The following SLC26A11 variants were observed in gnomAD, a reference collection of about 807,000 sequenced individuals.
SLC26A11 encodes sodium-independent sulfate anion transporter.
A neutral mutation model predicts 62.2 loss-of-function variants in SLC26A11; 58 were observed. The observed-to-expected ratio is 0.93, with a 90% CI of 0.76 to 1.16. SLC26A11 has a LOEUF of 1.16. Ranked by LOEUF, SLC26A11 falls within the 50% of genes most tolerant of loss-of-function variation. The pLI, the probability that SLC26A11 is intolerant of heterozygous loss-of-function variation, is 0.00. For missense variants in SLC26A11, 790 were observed against 794.3 expected, an observed-to-expected ratio of 0.99 and a Z score of 0.06; for synonymous variants, 411 against 368.9, an observed-to-expected ratio of 1.11 and a Z score of -1.31.
At chr17:80,231,580 C>T (rs1006365164) in intron 7 of SLC26A11, among the ~76,000 whole-genome samples, 3 of 152,176 alleles carry the variant, frequency 2.0e-5, no homozygotes, top group African/African-American at 2.4e-5. Context: ...TTAGCTGCAT[C>T]CCACAGTTTT....
intron 6 of SLC26A11, among the ~76,000 whole-genome samples, chr17:80,227,464 C>G (rs1042531406): frequency 6.6e-6 from 1 of 152,224 alleles, no homozygotes; most frequent in Non-Finnish European, 1.5e-5. Context: ...ACCCGGGCCT[C>G]TCCACTGCCT....
Position 80,227,798 on chromosome 17 carries a change from A to G in SLC26A11, c.594-20A>G, listed in dbSNP as rs377072174. ...GCCTGGGCCGAGCTGGGTGGTGACC[A>G]GTCCTCTGCCTGTCCACAGGGTAGG... On this transcript the variant is annotated intron_variant, in intron 6 of 17. Coordinates refer to ENST00000361193, the MANE Select transcript of SLC26A11 (RefSeq NM_001166347.2). 42 of 1,601,964 alleles carry G rather than the reference A, an allele frequency of 2.6e-5. No individual in the cohort carries two copies. In the African/African-American group the frequency reaches 5.5e-4, roughly 21 times the overall value.
chr17:80,248,383 G>A, intron 14 of SLC26A11, 126 bp downstream of exon 14: 1 of 1,385,878 alleles, frequency 7.2e-7, no homozygotes. Context: ...CTCGCTGGCA[G>A]GTGGGCAGTC....
At chr17:80,248,302 A>G (rs112301016) in intron 14 of SLC26A11, 45 bp downstream of exon 14, 1 of 1,578,838 alleles carries the variant, frequency 6.3e-7, no homozygotes, top group Non-Finnish European at 8.6e-7. Context: ...TGGGGGCAGG[A>G]TTCCTGGGCA....
At chr17:80,250,278 C>T (rs571655480) in intron 16 of SLC26A11, among the ~76,000 whole-genome samples, 8 of 152,190 alleles carry the variant, frequency 5.3e-5, no homozygotes, top group Non-Finnish European at 8.8e-5. Flanking sequence ...CCCGTATACC[C>T]CAGGTGTGGA....
rs2042983398 is a variant in SLC26A11 at position 80,246,002 on chromosome 17, G to A, written c.1098-152G>A. ...GCGGCTGTCTGTGACTGCACCCTAA[G>A]TCTCTTTGCCTCGGTCCCCTTGCAG... On this transcript the variant is annotated intron_variant, in intron 11 of 17. Coordinates refer to ENST00000361193, the MANE Select transcript of SLC26A11 (RefSeq NM_001166347.2). This position sits in a 1 kb window ranked among gnomAD's most constrained non-coding sequence, Gnocchi z 4.4. The A allele has an allele frequency of 1.1e-6, 1 of 891,084 alleles. No individual in the cohort carries two copies. Among genetic ancestry groups the A allele is most frequent in the African/African-American group, 1.6e-5 (1 of 60,986 alleles). The allele number at this position is 891,084 out of a possible 1,614,324, so 55.2% of individuals were successfully genotyped here.
rs74000660 is a variant in SLC26A11, at chr17:80,247,899, C to T, written c.1295-231C>T. On this transcript the variant is annotated intron_variant, in intron 13 of 17. Coordinates refer to ENST00000361193, the MANE Select transcript of SLC26A11 (RefSeq NM_001166347.2). Reference sequence around the variant, plus strand: ...CTCCCTGAGGTTGGAGGCCAGGGACCGGCCGGCAGGTCTCACCTGCGCTCA... The same window carrying T: ...CTCCCTGAGGTTGGAGGCCAGGGACTGGCCGGCAGGTCTCACCTGCGCTCA... Among the ~76,000 whole-genome samples, 706 of 152,322 alleles carry T rather than the reference C, an allele frequency of 4.6e-3. 7 individuals are homozygous for T. Among genetic ancestry groups the T allele is most frequent in the African/African-American group, 0.016 (663 of 41,560 alleles).
chr17:80,249,049 C>T (rs539992166), intron 15 of SLC26A11, 105 bp from the exon 16 acceptor site: 3 of 1,397,032 alleles, frequency 2.1e-6, no homozygotes, highest in African/African-American at 2.9e-5. Context: ...ATGGAGCACT[C>T]TGGCCTCTCT....
At position 80,221,544 on chromosome 17, in the gene SLC26A11, C is replaced by A. The variant is rs1407630089; in HGVS notation, c.-13-4C>A. 3 of 1,557,158 alleles carry A rather than the reference C, an allele frequency of 1.9e-6. No homozygotes were observed. Among genetic ancestry groups the A allele is most frequent in the South Asian group, 1.2e-5 (1 of 85,972 alleles). On this transcript the variant is annotated splice_polypyrimidine_tract_variant and splice_region_variant and intron_variant, in intron 2 of 17. Coordinates refer to ENST00000361193, the MANE Select transcript of SLC26A11 (RefSeq NM_001166347.2). ...TGCTGGTCTGTGTCACCTGCACCCC[C>A]CAGCCCCACCGTAGAGATGCCTTCT...
In SLC26A11 at chr17:80,223,939, C is replaced by T. The variant is rs146299245; in HGVS notation, c.513+602C>T. On this transcript the variant is annotated intron_variant, in intron 5 of 17. Coordinates refer to ENST00000361193, the MANE Select transcript of SLC26A11 (RefSeq NM_001166347.2). The surrounding 1 kb of genome is among the most constrained non-coding windows in gnomAD (Gnocchi z 4.6). ...GAACTGTCCTTCTCCCAGCCATGGCCGCCCAGCATTGGGCTGGTGCAGTAG... is the reference window on the plus strand; with the variant it reads ...GAACTGTCCTTCTCCCAGCCATGGCTGCCCAGCATTGGGCTGGTGCAGTAG... Among the ~76,000 whole-genome samples, 1 of 152,178 alleles carries T rather than the reference C, an allele frequency of 6.6e-6. No individual in the cohort carries two copies. Among genetic ancestry groups the T allele is most frequent in the Non-Finnish European group, 1.5e-5 (1 of 68,032 alleles).
At chr17:80,241,669 A>T (rs1263307935) in intron 9 of SLC26A11, 102 bp from the exon 10 acceptor site, 13 of 1,205,936 alleles carry the variant, frequency 1.1e-5, no homozygotes, top group African/African-American at 1.5e-5. Context: ...TACAAAACTT[A>T]TTGCCGTGTG....
Position 80,236,859 on chromosome 17 carries a change from T to C in SLC26A11, c.737-69T>C, listed in dbSNP as rs571831629. On this transcript the variant is annotated intron_variant, in intron 7 of 17. Coordinates refer to ENST00000361193, the MANE Select transcript of SLC26A11 (RefSeq NM_001166347.2). ...CTCTGGGATGTCTGCCCCAGTAACC[T>C]GGAGGCAGCCGCGCTACCCCACACT... 900 of 1,528,904 alleles carry C rather than the reference T, an allele frequency of 5.9e-4. 1 individual carries two copies. The highest frequency in any genetic ancestry group is 7.6e-4 in the Non-Finnish European group (852 of 1,123,092). The allele number at this position is 1,528,904 out of a possible 1,614,324, so 94.7% of individuals were successfully genotyped here.
At position 80,222,699 on chromosome 17, in the gene SLC26A11, C is replaced by T. The variant is rs1486936144; in HGVS notation, c.279C>T (p.Phe93=). 14 of 1,614,004 alleles carry T rather than the reference C, an allele frequency of 8.7e-6. No individual in the cohort carries two copies. The highest frequency in any genetic ancestry group is 1.1e-5 in the Non-Finnish European group (13 of 1,180,038). Residue 93 remains phenylalanine, a synonymous_variant, in exon 4 of 18, where the codon TTC becomes TTT. Coordinates refer to ENST00000361193, the MANE Select transcript of SLC26A11 (RefSeq NM_001166347.2). The surrounding 1 kb of genome is among the most constrained non-coding windows in gnomAD (Gnocchi z 4.7). Reference sequence around the variant, plus strand: ...TCATGGGCTGCTTCGTGTATTTCTTCCTGGGCACCTCCCGGGATGTGACTC... The same window carrying T: ...TCATGGGCTGCTTCGTGTATTTCTTTCTGGGCACCTCCCGGGATGTGACTC... ...SAFMGCFVYF[F]LGTSRDVTLG...
chr17:80,241,855 C>T (rs372120464), intron 10 of SLC26A11, 34 bp downstream of exon 10: 1 of 1,613,108 alleles, frequency 6.2e-7, no homozygotes, highest in African/African-American at 1.3e-5. Context: ...AAGACACCAG[C>T]TGTGGGCCTC....
chr17:80,226,701 CG>C, intron 6 of SLC26A11, among the ~76,000 whole-genome samples: 1 of 152,196 alleles, frequency 6.6e-6, no homozygotes, highest in Middle Eastern at 3.4e-3. Flanking sequence ...ACTCCATCTC[CG>C]CCCTGCCCTG....
Position 80,222,375 on chromosome 17 carries a change from CAAAAA to C in SLC26A11, c.235-269_235-265del. 1.6e-5 allele frequency: 4 copies of C among 244,312 alleles called. No individual in the cohort carries two copies. Among genetic ancestry groups the C allele is most frequent in the Middle Eastern group, 1.2e-3 (1 of 840 alleles). The allele number at this position is 244,312 out of a possible 1,614,324, so 15.1% of individuals were successfully genotyped here. A position where few individuals can be genotyped will look rare whatever the true frequency, so the allele number is the denominator to read the frequency against. Reference sequence around the variant, plus strand: ...TGGGCGACAGAGCGAGACTCCATCTCAAAAAAAAAAAAAAAGAATGCTTCCTCAGA... The same window carrying C: ...TGGGCGACAGAGCGAGACTCCATCTCAAAAAAAAAAGAATGCTTCCTCAGA... On this transcript the variant is annotated intron_variant, in intron 3 of 17. Transcript: ENST00000361193. This position sits in a 1 kb window ranked among gnomAD's most constrained non-coding sequence, Gnocchi z 4.7.
intron 7 of SLC26A11, among the ~76,000 whole-genome samples, chr17:80,235,597 C>T (rs905070859): frequency 3.9e-5 from 6 of 152,250 alleles, no homozygotes; most frequent in Non-Finnish European, 7.3e-5. Context: ...CTCAAGCAGT[C>T]CTCCTGTCTT....
chr17:80,236,055 G>A (rs749974853), intron 7 of SLC26A11, among the ~76,000 whole-genome samples: 1 of 152,124 alleles, frequency 6.6e-6, no homozygotes, highest in Non-Finnish European at 1.5e-5. Context: ...GAAAACATTT[G>A]CCAACCCCAG....
chr17:80,237,305 CA>C (rs1272634586), intron 8 of SLC26A11: 1 of 771,832 alleles, frequency 1.3e-6, no homozygotes, highest in Non-Finnish European at 2.0e-6. Flanking sequence ...CGTTTGTGTT[CA>C]GGGGCGCTTC....
Sources: allele counts gnomAD v4.1 joint callset (sites outside exome capture counted in the v4.1 genomes callset), GRCh38; gene constraint gnomAD v4.1.1; non-coding constraint Gnocchi (gnomAD v3.1); transcripts MANE v1.5; gene names NCBI Gene and HGNC (gene_info 2026-07-23, HGNC 2026-07-21).